The following LDLRAD3 variants were observed in gnomAD, a reference collection of about 807,000 sequenced individuals.
LDLRAD3 encodes the protein low-density lipoprotein receptor class A domain-containing protein 3.
A neutral mutation model predicts 29.4 loss-of-function variants in LDLRAD3; 20 were observed. That is an observed-to-expected ratio of 0.68 (90% CI 0.48 to 0.99). LDLRAD3 has a LOEUF of 0.99. LDLRAD3 is among the 50% of genes least tolerant of loss of function. The pLI is 0.00. For missense variants in LDLRAD3, 420 were observed against 454.3 expected (o/e 0.92, Z 0.69); for synonymous variants, 157 against 192.7 (o/e 0.81, Z 1.53).
intron 4 of LDLRAD3, among the ~76,000 whole-genome samples, chr11:36,147,805 C>T (rs1258699667): frequency 2.0e-5 from 3 of 152,176 alleles, no homozygotes; most frequent in African/African-American, 7.2e-5. Context: ...GGGTGAGCCA[C>T]CAGCTTGAGT....
At chr11:36,050,210 G>C (rs1408688703) in intron 2 of LDLRAD3, among the ~76,000 whole-genome samples, 1 of 152,190 alleles carries the variant, frequency 6.6e-6, no homozygotes, top group Non-Finnish European at 1.5e-5. Flanking sequence ...TCCCTCAGCT[G>C]TTTTGAACAT....
chr11:35,963,825 T>C (rs1217064279), intron 1 of LDLRAD3, among the ~76,000 whole-genome samples: 2 of 152,200 alleles, frequency 1.3e-5, no homozygotes, highest in African/African-American at 4.8e-5. Context: ...GTAGGTATGG[T>C]TGGATATGCA....
At chr11:36,180,608 G>T (rs956510475) in intron 4 of LDLRAD3, among the ~76,000 whole-genome samples, 1 of 152,128 alleles carries the variant, frequency 6.6e-6, no homozygotes, top group Non-Finnish European at 1.5e-5. Flanking sequence ...GACACGGAGC[G>T]CATGGACAGT....
chr11:35,992,904 A>T (rs996595059), intron 1 of LDLRAD3, among the ~76,000 whole-genome samples: 14 of 152,224 alleles, frequency 9.2e-5, no homozygotes, highest in African/African-American at 2.7e-4. Context: ...CATTGCAAAC[A>T]AGAACATTTA....
chr11:35,961,115 T>TG (rs1851272314), intron 1 of LDLRAD3, among the ~76,000 whole-genome samples: 1 of 152,214 alleles, frequency 6.6e-6, no homozygotes, highest in South Asian at 2.1e-4. Flanking sequence ...CTCATTCTGC[T>TG]GGAGATCAGA....
chr11:36,137,399 A>G (rs979197414), intron 4 of LDLRAD3, among the ~76,000 whole-genome samples: 26 of 152,234 alleles, frequency 1.7e-4, no homozygotes, highest in Non-Finnish European at 4.4e-5. Flanking sequence ...TCATGAGTTC[A>G]TTTTATCTGT....
intron 3 of LDLRAD3, among the ~76,000 whole-genome samples, chr11:36,086,884 A>G (rs570668704): frequency 2.2e-4 from 33 of 152,302 alleles, no homozygotes; most frequent in African/African-American, 7.7e-4. Flanking sequence ...TGGAGCAGGA[A>G]CTTCTATAAG....
At chr11:36,035,340 C>G (rs886100985) in intron 1 of LDLRAD3, among the ~76,000 whole-genome samples, 2 of 152,122 alleles carry the variant, frequency 1.3e-5, no homozygotes, top group African/African-American at 4.8e-5. Flanking sequence ...AGCACCCTGC[C>G]CACCTCCACC....
intron 3 of LDLRAD3, among the ~76,000 whole-genome samples, chr11:36,098,035 G>T (rs183233064): frequency 2.2e-4 from 34 of 152,286 alleles, no homozygotes; most frequent in African/African-American, 6.3e-4. Context: ...GCATCTCAGA[G>T]AGATTCCTGT....
At chr11:36,096,628 G>A (rs1043228921) in intron 3 of LDLRAD3, among the ~76,000 whole-genome samples, 11 of 152,258 alleles carry the variant, frequency 7.2e-5, no homozygotes, top group South Asian at 2.1e-4. Flanking sequence ...ATTTTCCCAC[G>A]GATATCATTT....
chr11:36,084,031 A>G (rs529357767), intron 3 of LDLRAD3, among the ~76,000 whole-genome samples: 16 of 151,748 alleles, frequency 1.1e-4, no homozygotes, highest in African/African-American at 2.7e-4. Flanking sequence ...TAATCCTTCT[A>G]CCTCAGCCTT....
intron 1 of LDLRAD3, among the ~76,000 whole-genome samples, chr11:35,980,921 G>A (rs1851532485): frequency 6.6e-6 from 1 of 152,116 alleles, no homozygotes; most frequent in Non-Finnish European, 1.5e-5. Flanking sequence ...TGGGAACCTT[G>A]GAAATCCCCC....
intron 4 of LDLRAD3, among the ~76,000 whole-genome samples, chr11:36,204,769 G>A (rs555148198): frequency 5.3e-5 from 8 of 152,278 alleles, no homozygotes; most frequent in African/African-American, 9.6e-5. Context: ...GATTACAGGC[G>A]TGAGCCACAG....
chr11:36,067,396 AT>A (rs1852812825), intron 2 of LDLRAD3, among the ~76,000 whole-genome samples: 2 of 152,254 alleles, frequency 1.3e-5, no homozygotes, highest in East Asian at 3.8e-4. Flanking sequence ...ATAGTGTAAT[AT>A]CAAATAATAA....
intron 4 of LDLRAD3, among the ~76,000 whole-genome samples, chr11:36,216,054 A>G (rs1855348274): frequency 6.6e-6 from 1 of 152,188 alleles, no homozygotes; most frequent in Non-Finnish European, 1.5e-5. Flanking sequence ...CTCTCACTTC[A>G]TGCTCAGGAG....
rs538503985 is a variant in LDLRAD3, at chr11:36,097,128, T to C, written c.320-1199T>C. On this transcript the variant is annotated intron_variant, in intron 3 of 5. Transcript: ENST00000315571. ...GGGGACGGCCCAGATCTGTCATTTC[T>C]TTTGAGGTCTCAGAAAGTGCCTAGA... 2.6e-5 allele frequency among the ~76,000 whole-genome samples: 4 copies of C among 152,332 alleles called. No homozygotes were observed. The South Asian group carries it at 8.3e-4, about 32-fold the overall frequency.
chr11:36,061,151 T>A (rs565884387), intron 2 of LDLRAD3, among the ~76,000 whole-genome samples: 1 of 152,106 alleles, frequency 6.6e-6, no homozygotes, highest in African/African-American at 2.4e-5. Context: ...TCTTTTTTTT[T>A]CCCCTGAGAC....
chr11:35,983,347 T>C (rs1453700124), intron 1 of LDLRAD3, among the ~76,000 whole-genome samples: 1 of 152,258 alleles, frequency 6.6e-6, no homozygotes, highest in East Asian at 1.9e-4. Context: ...GTAATGTGGC[T>C]ACTAGAAACA....
chr11:36,120,642 T>A (rs1257733578), intron 4 of LDLRAD3, among the ~76,000 whole-genome samples: 1 of 152,132 alleles, frequency 6.6e-6, no homozygotes, highest in Non-Finnish European at 1.5e-5. Context: ...ACTCAGCTAG[T>A]AGGTGAAGGG....
Sources: allele counts gnomAD v4.1 joint callset (sites outside exome capture counted in the v4.1 genomes callset), GRCh38; gene constraint gnomAD v4.1.1; transcripts MANE v1.5; gene names NCBI Gene and HGNC (gene_info 2026-07-23, HGNC 2026-07-21).